ZBTB26: variants seen among roughly 807,000 people sequenced by gnomAD.
ZBTB26 encodes the protein zinc finger and BTB domain containing 26.
A neutral mutation model predicts 31.6 loss-of-function variants in ZBTB26; 12 were observed. The observed-to-expected ratio is 0.38, with a 90% CI of 0.24 to 0.61. The LOEUF is 0.61. Among genes scored for constraint, ZBTB26 ranks in the 20% least tolerant of loss-of-function variants. The pLI, the probability that ZBTB26 is intolerant of heterozygous loss-of-function variation, is 0.60. For synonymous variants in ZBTB26, 155 were observed against 182.9 expected (o/e 0.85, Z 1.23); for missense variants, 311 against 521.9 (o/e 0.60, Z 3.94).
At chr9:122,929,261 CAG>C in intron 1 of ZBTB26, among the ~76,000 whole-genome samples, 1 of 152,266 alleles carries the variant, frequency 6.6e-6, no homozygotes, top group East Asian at 1.9e-4. Context: ...CCTAAATGGG[CAG>C]AGAGTGGAAA....
At chr9:122,931,295 G>A (rs1278459135) in intron 1 of ZBTB26, 142 bp downstream of exon 1, 2 of 151,692 alleles carry the variant, frequency 1.3e-5, no homozygotes, top group Non-Finnish European at 2.9e-5. Flanking sequence ...CCGGGCCAAG[G>A]GCTCCTCAAG....
chr9:122,921,284 A>C (rs1833094373), intron 1 of ZBTB26, among the ~76,000 whole-genome samples: 1 of 152,232 alleles, frequency 6.6e-6, no homozygotes. Context: ...TCCACTAGTC[A>C]CTGTAAACTA....
Position 122,918,301 on chromosome 9 carries a change from C to A in ZBTB26, c.*308G>T. On this transcript the variant is annotated 3_prime_UTR_variant, in exon 2 of 2. Transcript: ENST00000373656. ...ACTTGTTGGTACCTTCGGAATGTGC[C>A]TAGTGAAAAGCCTAAAACAGTGTCA... 6.9e-6 allele frequency: 2 copies of A among 288,892 alleles called. No individual in the cohort carries two copies. Among genetic ancestry groups the A allele is most frequent in the Non-Finnish European group, 1.3e-5 (2 of 154,660 alleles). 17.9% of individuals were successfully genotyped at this position (288,892 alleles called of 1,614,324 possible). A position where few individuals can be genotyped will look rare whatever the true frequency, so the allele number is the denominator to read the frequency against.
At chr9:122,924,435 T>C (rs1337419776) in intron 1 of ZBTB26, among the ~76,000 whole-genome samples, 1 of 152,168 alleles carries the variant, frequency 6.6e-6, no homozygotes, top group Non-Finnish European at 1.5e-5. Context: ...TTATACTTTA[T>C]ACAGCTCATT....
Position 122,919,228 on chromosome 9 carries a change from T to C in ZBTB26, c.707A>G (p.His236Arg), listed in dbSNP as rs7856488. The C allele has an allele frequency of 9.9e-4, 1,596 of 1,614,210 alleles. 13 individuals carry two copies. In the African/African-American group the frequency reaches 0.019, roughly 19 times the overall value. ...ATAAGAAAGGGCATAATTGTGGAGA[T>C]GGTTTTGTTCTATTTCACTTACTCT... ...ENRVSEIEQN[H>R]LHNYALSYTG... Residue 236 changes from histidine to arginine, a missense_variant, in exon 2 of 2, where the codon CAT becomes CGT. Coordinates refer to ENST00000373656, the MANE Select transcript of ZBTB26 (RefSeq NM_020924.4). This position sits in a 1 kb window ranked among gnomAD's most constrained non-coding sequence, Gnocchi z 6.1.
rs546360666 is a variant in ZBTB26, at chr9:122,919,661, C to T, written c.274G>A (p.Val92Met). ...RQLLLSCYSGVLEFPEMELVN... is the reference protein window; with the variant it reads ...RQLLLSCYSGMLEFPEMELVN... ...AGTTCCATCTCAGGGAATTCCAGCA[C>T]ACCACTATAACAGGATAAGAGCAAT... The change falls in exon 2 of 2, where the codon GTG (valine) becomes ATG (methionine). Residue 92 changes from valine to methionine, a missense_variant. Physicochemically the swap from Val to Met is conservative, Grantham distance 21. This residue lies in a region of ZBTB26 where 207 missense variants were observed against 298.6 expected (regional missense o/e 0.69). Transcript: ENST00000373656. This position sits in a 1 kb window ranked among gnomAD's most constrained non-coding sequence, Gnocchi z 6.1. 7 of 1,614,218 alleles carry T rather than the reference C, an allele frequency of 4.3e-6. No individual in the cohort carries two copies. The South Asian group carries it at 6.6e-5, about 15-fold the overall frequency.
At chr9:122,920,861 C>G (rs1338301905) in intron 1 of ZBTB26, among the ~76,000 whole-genome samples, 2 of 152,146 alleles carry the variant, frequency 1.3e-5, no homozygotes, top group Non-Finnish European at 2.9e-5. Context: ...ATTATGTGGA[C>G]TACTAGAACT....
intron 1 of ZBTB26, among the ~76,000 whole-genome samples, chr9:122,928,586 GGTAA>G (rs1333658376): frequency 6.6e-6 from 1 of 151,884 alleles, no homozygotes; most frequent in Non-Finnish European, 1.5e-5. Flanking sequence ...ATTGTATAAG[GGTAA>G]GTATCTCTTT....
intron 1 of ZBTB26, among the ~76,000 whole-genome samples, chr9:122,923,912 A>G (rs544706965): frequency 6.6e-6 from 1 of 152,368 alleles, no homozygotes; most frequent in African/African-American, 2.4e-5. Flanking sequence ...TTCTATATTT[A>G]GATACACAAA....
At chr9:122,923,921 A>G (rs1192756051) in intron 1 of ZBTB26, among the ~76,000 whole-genome samples, 3 of 152,226 alleles carry the variant, frequency 2.0e-5, no homozygotes, top group Admixed American at 1.3e-4. Flanking sequence ...TAGATACACA[A>G]ACACCATTGT....
chr9:122,919,656 C>T lies in ZBTB26; in HGVS notation c.279G>A (p.Leu93=). 6.2e-7 allele frequency: 1 copy of T among 1,614,150 alleles called. No homozygotes were observed. The highest frequency in any genetic ancestry group is 8.5e-7 in the Non-Finnish European group (1 of 1,180,022). The part of the protein sequence containing the change: ...QLLLSCYSGV[L]EFPEMELVNY... ...TTACCAGTTCCATCTCAGGGAATTC[C>T]AGCACACCACTATAACAGGATAAGA... The change falls in exon 2 of 2, where the codon CTG becomes CTA. Residue 93 remains leucine (L), a synonymous_variant. Coordinates refer to ENST00000373656, the MANE Select transcript of ZBTB26 (RefSeq NM_020924.4). This position sits in a 1 kb window ranked among gnomAD's most constrained non-coding sequence, Gnocchi z 6.1.
rs1833071623 is a variant in ZBTB26, at chr9:122,919,944, C to T, written c.-10G>A. 6.4e-7 allele frequency: 1 copy of T among 1,550,550 alleles called. No homozygotes were observed. On this transcript the variant is annotated splice_region_variant and 5_prime_UTR_variant, in exon 2 of 2. Coordinates refer to ENST00000373656, the MANE Select transcript of ZBTB26 (RefSeq NM_020924.4). This position sits in a 1 kb window ranked among gnomAD's most constrained non-coding sequence, Gnocchi z 6.1. ...CTGATCTTTCAGACATTTTGGCAGA[C>T]CTAAAGAACAGAAATGTAAAAAGGT...
Position 122,918,343 on chromosome 9 carries a change from A to C in ZBTB26, c.*266T>G. ...ACAGTGTCAGTCTAAGACATAAGTC[A>C]ATGTTAGGTAGACAAAAGGAATTAT... On this transcript the variant is annotated 3_prime_UTR_variant, in exon 2 of 2. Coordinates refer to ENST00000373656, the MANE Select transcript of ZBTB26 (RefSeq NM_020924.4). 1 of 430,948 alleles carries C rather than the reference A, an allele frequency of 2.3e-6. No individual in the cohort carries two copies. The highest frequency in any genetic ancestry group is 3.2e-5 in the South Asian group (1 of 30,990). 26.7% of individuals were successfully genotyped at this position (430,948 alleles called of 1,614,324 possible).
rs901599343 is a variant in ZBTB26, at chr9:122,916,401, C to A, written c.*2208G>T. 1 of 152,202 alleles carries A rather than the reference C, an allele frequency of 6.6e-6. No homozygotes were observed. Among genetic ancestry groups the A allele is most frequent in the Non-Finnish European group, 1.5e-5 (1 of 68,032 alleles). 9.4% of individuals were successfully genotyped at this position (152,202 alleles called of 1,614,324 possible). On this transcript the variant is annotated 3_prime_UTR_variant, in exon 2 of 2. Transcript: ENST00000373656. ...GTGTCTAGCAACAGTAGGTGCTTAA[C>A]TAATGTTTCTTGAACAACTGAATGA... is the stretch of plus-strand genomic sequence containing the variant.
chr9:122,919,277 G>C lies in ZBTB26; in HGVS notation c.658C>G (p.Leu220Val), dbSNP rs1588128907. The C allele has an allele frequency of 1.9e-6, 3 of 1,614,186 alleles. No individual in the cohort carries two copies. The highest frequency in any genetic ancestry group is 4.5e-5 in the East Asian group (2 of 44,892). Residue 220 changes from leucine to valine, a missense_variant, in exon 2 of 2, where the codon CTG becomes GTG. Leu to Val is a conservative substitution (Grantham distance 32). Transcript: ENST00000373656. This position sits in a 1 kb window ranked among gnomAD's most constrained non-coding sequence, Gnocchi z 6.1. ...ALHSSEPQHS[L>V]INSTVENRVS... ...CTGTTTTCCACAGTTGAATTTATCA[G>C]GGAGTGCTGGGGCTCTGATGAATGT...
At position 122,919,721 on chromosome 9, in the gene ZBTB26, T is replaced by C. The variant is rs1212403571; in HGVS notation, c.214A>G (p.Ile72Val). ...FLLNDSREVK[I>V]SILQSSEVGR... ...ACTTCGGAACTCTGTAATATGGAGATTTTCACCTCTCTGGAATCATTCAGT... is the reference window on the plus strand; with the variant it reads ...ACTTCGGAACTCTGTAATATGGAGACTTTCACCTCTCTGGAATCATTCAGT... The change falls in exon 2 of 2, where the codon ATC becomes GTC. Residue 72 changes from isoleucine (I) to valine (V), a missense_variant. By Grantham distance (29) the Ile-to-Val change is conservative (BLOSUM62 3). Around this residue, in one of 5 missense-constraint regions of ZBTB26, gnomAD observed 207 missense variants for 298.6 expected, o/e 0.69. Coordinates refer to ENST00000373656, the MANE Select transcript of ZBTB26 (RefSeq NM_020924.4). This position sits in a 1 kb window ranked among gnomAD's most constrained non-coding sequence, Gnocchi z 6.1. The C allele has an allele frequency of 1.2e-6, 2 of 1,614,026 alleles. No individual in the cohort carries two copies. Among genetic ancestry groups the C allele is most frequent in the Non-Finnish European group, 1.7e-6 (2 of 1,180,020 alleles).
intron 1 of ZBTB26, among the ~76,000 whole-genome samples, chr9:122,929,940 T>A (rs1404566124): frequency 6.6e-6 from 1 of 152,152 alleles, no homozygotes; most frequent in Non-Finnish European, 1.5e-5. Context: ...CCTGCACTCC[T>A]ACACTTTATT....
Position 122,918,562 on chromosome 9 carries a change from A to G in ZBTB26, c.*47T>C, listed in dbSNP as rs753034483. 16 of 1,572,480 alleles carry G rather than the reference A, an allele frequency of 1.0e-5. No homozygotes were observed. The highest frequency in any genetic ancestry group is 2.4e-5 in the South Asian group (2 of 82,546). ...AATCACTCCTAAAAAGACTAAGACT[A>G]TTGCCACATTGTCAGTCAGTTCGAG... On this transcript the variant is annotated 3_prime_UTR_variant, in exon 2 of 2. Transcript: ENST00000373656.
In ZBTB26 at chr9:122,919,502, A is replaced by G; in HGVS notation, c.433T>C (p.Ser145Pro). Residue 145 changes from serine (S) to proline (P), a missense_variant, in exon 2 of 2, where the codon TCT (serine) becomes CCT (proline). Physicochemically the swap from Ser to Pro is moderately conservative, Grantham distance 74. Transcript: ENST00000373656. The surrounding 1 kb of genome is among the most constrained non-coding windows in gnomAD (Gnocchi z 6.1). ...SKEGCEPQSA[S>P]PQSKEQQGDA... ...CCCTGCTGTTCTTTTGACTGGGGAG[A>G]AGCACTCTGTGGTTCACATCCCTCT... 1.2e-6 allele frequency: 2 copies of G among 1,614,114 alleles called. No homozygotes were observed. Among genetic ancestry groups the G allele is most frequent in the Non-Finnish European group, 1.7e-6 (2 of 1,180,006 alleles).
Sources: gnomAD v4.1 joint callset for allele counts (sites outside exome capture counted in the v4.1 genomes callset) on GRCh38, gnomAD v4.1.1 for gene constraint, gnomAD v4.1.1 regional missense constraint, Gnocchi (gnomAD v3.1) non-coding constraint, MANE v1.5 for transcripts, NCBI Gene and HGNC (gene_info 2026-07-23, HGNC 2026-07-21) for gene names.